CBFA2T3: variants seen among roughly 807,000 people sequenced by gnomAD.
CBFA2T3 encodes the protein CBFA2/RUNX1 partner transcriptional co-repressor 3.
In CBFA2T3, 31 loss-of-function variants were observed where a neutral mutation model predicts 58.6. The observed-to-expected ratio is 0.53, with a 90% CI of 0.40 to 0.71. The LOEUF (loss-of-function observed/expected upper bound fraction) is 0.71. Among genes scored for constraint, CBFA2T3 ranks in the 30% least tolerant of loss-of-function variants. The pLI, the probability that CBFA2T3 is intolerant of heterozygous loss-of-function variation, is 0.00. For synonymous variants in CBFA2T3, 531 were observed against 421.9 expected (o/e 1.26, Z -3.17); for missense variants, 1,076 against 963.1 (o/e 1.12, Z -1.55).
rs940702900 is a variant in CBFA2T3 at position 88,894,916 on chromosome 16, C to T, written c.380-2431G>A. Among the ~76,000 whole-genome samples, 16 of 152,036 alleles carry T rather than the reference C, an allele frequency of 1.1e-4. No homozygotes were observed. In the East Asian group the frequency reaches 1.2e-3, roughly 11 times the overall value. ...GGTGCAGCGGCTCCCCCTGGGCAGC[C>T]GGCAGGCACCAGCTGTTTCCTTCCT... On this transcript the variant is annotated intron_variant, in intron 3 of 11. Coordinates refer to ENST00000268679, the MANE Select transcript of CBFA2T3 (RefSeq NM_005187.6).
chr16:88,886,493 G>A, intron 5 of CBFA2T3: 1 of 213,976 alleles, frequency 4.7e-6, no homozygotes, highest in East Asian at 1.0e-4. Context: ...CGAAGGGGCA[G>A]CAGATCATGG....
intron 3 of CBFA2T3, among the ~76,000 whole-genome samples, chr16:88,895,092 C>T (rs1452623763): frequency 1.3e-5 from 2 of 152,156 alleles, no homozygotes; most frequent in East Asian, 3.9e-4. Flanking sequence ...TACATGCCGG[C>T]CCCCCTTTCT....
Position 88,976,713 on chromosome 16 carries a change from C to CCG in CBFA2T3, c.93_94dup (p.Gly32AlafsTer39). 4 of 1,558,944 alleles carry CCG rather than the reference C, an allele frequency of 2.6e-6. No homozygotes were observed. The highest frequency in any genetic ancestry group is 2.6e-6 in the Non-Finnish European group (3 of 1,151,402). On this transcript the variant is annotated frameshift_variant, in exon 1 of 12. Coordinates refer to ENST00000268679, the MANE Select transcript of CBFA2T3 (RefSeq NM_005187.6). LOFTEE classifies it high-confidence loss of function. ...GGAGCAGCCGGCAGATGCCAGGAGG[C>CCG]CGCTCTCCAGCACAGGGTGCGTCTG...
intron 1 of CBFA2T3, among the ~76,000 whole-genome samples, chr16:88,966,439 C>G (rs1416591216): frequency 6.6e-6 from 1 of 152,182 alleles, no homozygotes; most frequent in African/African-American, 2.4e-5. Flanking sequence ...TGCAGCATGG[C>G]TGGGCTACCT....
At chr16:88,893,047 A>G (rs926105717) in intron 3 of CBFA2T3, among the ~76,000 whole-genome samples, 1 of 151,996 alleles carries the variant, frequency 6.6e-6, no homozygotes, top group Non-Finnish European at 1.5e-5. Flanking sequence ...CTCACTTCCC[A>G]CTTTCTGGAG....
At chr16:88,960,890 T>C (rs1972338577) in intron 1 of CBFA2T3, among the ~76,000 whole-genome samples, 1 of 152,282 alleles carries the variant, frequency 6.6e-6, no homozygotes, top group South Asian at 2.1e-4. Flanking sequence ...AGATGCAGAA[T>C]GCCTGGTTAA....
At chr16:88,909,319 T>A (rs1478333280) in intron 1 of CBFA2T3, among the ~76,000 whole-genome samples, 2 of 152,180 alleles carry the variant, frequency 1.3e-5, no homozygotes, top group Non-Finnish European at 2.9e-5. Flanking sequence ...ATTAAGGGGA[T>A]GAGCTCAGGC....
chr16:88,916,941 A>T (rs935006127), intron 1 of CBFA2T3, among the ~76,000 whole-genome samples: 1 of 151,830 alleles, frequency 6.6e-6, no homozygotes, highest in Non-Finnish European at 1.5e-5. Flanking sequence ...AGAAGCACGG[A>T]TTCTTTTAGA....
chr16:88,934,512 G>A (rs955861143), intron 1 of CBFA2T3, among the ~76,000 whole-genome samples: 4 of 152,226 alleles, frequency 2.6e-5, no homozygotes, highest in Admixed American at 6.5e-5. Flanking sequence ...CGGCACCATC[G>A]GGGGGCGACA....
intron 5 of CBFA2T3, chr16:88,886,623 G>C (rs1476041025): frequency 6.5e-6 from 1 of 153,492 alleles, no homozygotes; most frequent in Non-Finnish European, 1.5e-5. Context: ...TCACACGAGG[G>C]AGCTGGGAGT....
At chr16:88,924,911 A>T (rs115609147) in intron 1 of CBFA2T3, among the ~76,000 whole-genome samples, 3,249 of 152,324 alleles carry the variant, frequency 0.021, 60 homozygotes, top group African/African-American at 0.047. Flanking sequence ...CACCAAGGCC[A>T]CAGAGCCACA....
At chr16:88,970,373 C>A (rs1435897050) in intron 1 of CBFA2T3, among the ~76,000 whole-genome samples, 1 of 152,204 alleles carries the variant, frequency 6.6e-6, no homozygotes, top group African/African-American at 2.4e-5. Flanking sequence ...CGTCTCAGAG[C>A]AGGGCGTGCA....
intron 7 of CBFA2T3, chr16:88,884,779 C>T (rs1011964038): frequency 6.3e-5 from 25 of 397,172 alleles, no homozygotes; most frequent in Admixed American, 2.2e-4. Context: ...CTGTGGGAAT[C>T]GCCAAGCTCG....
Position 88,882,472 on chromosome 16 carries a change from G to GTGGCTGTGTGCGTGGGC in CBFA2T3, c.1203+203_1203+204insGCCCACGCACACAGCCA, listed in dbSNP as rs1567575191. Among the ~76,000 whole-genome samples the GTGGCTGTGTGCGTGGGC allele has an allele frequency of 4.1e-3, 595 of 143,508 alleles. 7 individuals are homozygous for GTGGCTGTGTGCGTGGGC. Among genetic ancestry groups the GTGGCTGTGTGCGTGGGC allele is most frequent in the African/African-American group, 0.014 (577 of 40,004 alleles). The allele number at this position is 143,508 out of a possible 152,430, so 94.1% of individuals were successfully genotyped here. A position where few individuals can be genotyped will look rare whatever the true frequency, so the allele number is the denominator to read the frequency against. ...GCGTGGGCGTGGCTGTGTGCGTGGG[G>GTGGCTGTGTGCGTGGGC]GTGGCTGTGTGTGACTGCACGGGCG... On this transcript the variant is annotated intron_variant, in intron 8 of 11. Coordinates refer to ENST00000268679, the MANE Select transcript of CBFA2T3 (RefSeq NM_005187.6).
At chr16:88,888,452 C>T (rs369450245) in intron 5 of CBFA2T3, among the ~76,000 whole-genome samples, 8 of 25,998 alleles carry the variant, frequency 3.1e-4, no homozygotes, top group African/African-American at 1.5e-3. Flanking sequence ...GAAGGGGCTG[C>T]GGCCCTGCAG....
rs112471667 is a variant in CBFA2T3 at position 88,892,495 on chromosome 16, G to A, written c.380-10C>T. The A allele has an allele frequency of 8.7e-4, 1,403 of 1,611,022 alleles. 14 individuals are homozygous for A. The African/African-American group carries it at 0.016, about 19-fold the overall frequency. ...CTGCTGCCGTTCATCACTGCAGGAGGGAAGCGGACATGAGGACACAAAGGT... is the reference window on the plus strand; with the variant it reads ...CTGCTGCCGTTCATCACTGCAGGAGAGAAGCGGACATGAGGACACAAAGGT... On this transcript the variant is annotated splice_polypyrimidine_tract_variant and intron_variant, in intron 3 of 11. Coordinates refer to ENST00000268679, the MANE Select transcript of CBFA2T3 (RefSeq NM_005187.6).
intron 1 of CBFA2T3, among the ~76,000 whole-genome samples, chr16:88,913,254 C>T (rs1359771548): frequency 6.6e-6 from 1 of 152,266 alleles, no homozygotes; most frequent in African/African-American, 2.4e-5. Flanking sequence ...ACACGCAGGA[C>T]AGGGTTGGCC....
intron 1 of CBFA2T3, among the ~76,000 whole-genome samples, chr16:88,928,763 G>A (rs1030501396): frequency 6.6e-6 from 1 of 152,252 alleles, no homozygotes; most frequent in Non-Finnish European, 1.5e-5. Flanking sequence ...CGAGACCGAG[G>A]CTGGGAGGTG....
chr16:88,940,841 G>T (rs1407984709), intron 1 of CBFA2T3, among the ~76,000 whole-genome samples: 1 of 152,180 alleles, frequency 6.6e-6, no homozygotes, highest in Non-Finnish European at 1.5e-5. Flanking sequence ...CTGCTCACGG[G>T]GGGCTGCGCT....
Sources: gnomAD v4.1 joint callset for allele counts (sites outside exome capture counted in the v4.1 genomes callset) on GRCh38, gnomAD v4.1.1 for gene constraint, MANE v1.5 for transcripts, NCBI Gene and HGNC (gene_info 2026-07-23, HGNC 2026-07-21) for gene names.